The following ZNF106 variants were observed in gnomAD, a reference collection of about 807,000 sequenced individuals.
ZNF106 encodes zinc finger protein 106, also known as SH3-domain binding protein 3.
In ZNF106, 67 loss-of-function variants were observed where a neutral mutation model predicts 195.1. The ratio of observed to expected loss-of-function variants is 0.34; its 90% CI spans 0.28 to 0.42. The LOEUF (loss-of-function observed/expected upper bound fraction) is 0.42. Among genes scored for constraint, ZNF106 ranks in the 10% least tolerant of loss-of-function variants. The probability of loss-of-function intolerance (pLI) is 1.00; values close to 1 mark genes in which losing one functional copy is unlikely to be tolerated. For missense variants in ZNF106, 2,118 were observed against 2,304.5 expected (o/e 0.92, Z 1.66); for synonymous variants, 784 against 818.6 (o/e 0.96, Z 0.72).
In ZNF106 at chr15:42,416,492, C is replaced by G. The variant is rs1214422396; in HGVS notation, c.*812G>C. On this transcript the variant is annotated 3_prime_UTR_variant, in exon 22 of 22. Coordinates refer to ENST00000564754, the MANE Select transcript of ZNF106 (RefSeq NM_001366845.3). ...GACACTAGAAAGGAAGATAAAGGTA[C>G]ACCTCCAGTTCAACAGCCTGACAGG... 6.6e-6 allele frequency: 1 copy of G among 152,334 alleles called. No homozygotes were observed. The highest frequency in any genetic ancestry group is 1.5e-5 in the Non-Finnish European group (1 of 68,146). The allele number at this position is 152,334 out of a possible 1,614,324, so 9.4% of individuals were successfully genotyped here.
chr15:42,461,947 A>G (rs975556952), intron 3 of ZNF106, among the ~76,000 whole-genome samples: 1 of 152,202 alleles, frequency 6.6e-6, no homozygotes, highest in African/African-American at 2.4e-5. Context: ...GGGGTTTTCT[A>G]TAATTTTGTA....
intron 1 of ZNF106, among the ~76,000 whole-genome samples, chr15:42,479,841 CAATAAATAAATAAATAAA>C (rs1276046352): frequency 2.0e-5 from 3 of 152,116 alleles, no homozygotes; most frequent in Admixed American, 6.6e-5. Context: ...AACTCCGTCT[CAATAAATAAATAAATAAA>C]AATAAATAAA....
At chr15:42,469,748 G>A (rs190879814) in intron 2 of ZNF106, among the ~76,000 whole-genome samples, 2 of 151,868 alleles carry the variant, frequency 1.3e-5, no homozygotes, top group African/African-American at 2.4e-5. Context: ...TGAGACGGGA[G>A]CATCACCTGA....
intron 16 of ZNF106, chr15:42,424,347 A>C (rs1292587797): frequency 2.8e-6 from 1 of 356,500 alleles, no homozygotes; most frequent in East Asian, 4.6e-5. Flanking sequence ...AAATACACTC[A>C]TTGTTTCTCA....
intron 14 of ZNF106, among the ~76,000 whole-genome samples, chr15:42,432,333 A>AT (rs1228420330): frequency 6.6e-6 from 1 of 151,658 alleles, no homozygotes; most frequent in East Asian, 1.9e-4. Flanking sequence ...TCATTTTTTT[A>AT]TTTTTTGTGG....
chr15:42,481,523 T>A (rs2056901434), intron 1 of ZNF106, among the ~76,000 whole-genome samples: 1 of 151,934 alleles, frequency 6.6e-6, no homozygotes, highest in South Asian at 2.1e-4. Context: ...CATGCCTGGC[T>A]AATTTTTTTT....
chr15:42,453,074 A>C (rs2056106006), intron 4 of ZNF106, among the ~76,000 whole-genome samples: 1 of 150,646 alleles, frequency 6.6e-6, no homozygotes, highest in Non-Finnish European at 1.5e-5. Flanking sequence ...TTTCTGAAAA[A>C]CTCCATTTCT....
intron 14 of ZNF106, among the ~76,000 whole-genome samples, chr15:42,434,827 G>A (rs936961093): frequency 1.0e-4 from 15 of 148,608 alleles, no homozygotes; most frequent in Non-Finnish European, 1.5e-4. Context: ...AGGCTGGAGT[G>A]CAGTGGCACA....
At chr15:42,422,660 C>A in intron 17 of ZNF106, 40 bp from the exon 18 acceptor site, 3 of 1,567,100 alleles carry the variant, frequency 1.9e-6, no homozygotes. Context: ...GACTGACTTT[C>A]GAGACTCCTT....
chr15:42,452,135 TC>T (rs2056055277), intron 4 of ZNF106, among the ~76,000 whole-genome samples, 181 bp from the exon 5 acceptor site: 1 of 152,180 alleles, frequency 6.6e-6, no homozygotes, highest in Admixed American at 6.5e-5. Context: ...AAACGTATAT[TC>T]CTCAACTTAT....
intron 1 of ZNF106, among the ~76,000 whole-genome samples, chr15:42,490,129 C>T (rs892742702): frequency 6.6e-6 from 1 of 151,954 alleles, no homozygotes; most frequent in Non-Finnish European, 1.5e-5. Flanking sequence ...ACTGGGTAGG[C>T]TGAGGCAGGA....
chr15:42,483,672 A>G lies in ZNF106; in HGVS notation c.-33+7308T>C, dbSNP rs551954077. Among the ~76,000 whole-genome samples, 4 of 152,348 alleles carry G rather than the reference A, an allele frequency of 2.6e-5. No individual in the cohort carries two copies. The South Asian group carries it at 8.3e-4, about 32-fold the overall frequency. ...ATCAAAATATTTAAAAGGTCTTACA[A>G]GGCCCGCTTGACACAACCCTTGCTA... On this transcript the variant is annotated intron_variant, in intron 1 of 21. Transcript: ENST00000564754.
At position 42,424,051 on chromosome 15, in the gene ZNF106, C is replaced by A. The variant is rs749398646; in HGVS notation, c.5200G>T (p.Asp1734Tyr). 1 of 1,612,512 alleles carries A rather than the reference C, an allele frequency of 6.2e-7. No individual in the cohort carries two copies. The highest frequency in any genetic ancestry group is 1.1e-5 in the South Asian group (1 of 90,692). The change falls in exon 17 of 22, where the codon GAT becomes TAT. Residue 1734 changes from aspartate (D) to tyrosine (Y), a missense_variant. Physicochemically the swap from Asp to Tyr is radical, Grantham distance 160. Transcript: ENST00000564754. Reference protein sequence around the residue: ...KTILCMKVVNDLVFSGSSDQS... With the variant: ...KTILCMKVVNYLVFSGSSDQS... Reference sequence around the variant, plus strand: ...TCACTGGAGCCACTGAACACGAGATCATTCACCACCTTAAAGAAAAAATTA... The same window carrying A: ...TCACTGGAGCCACTGAACACGAGATAATTCACCACCTTAAAGAAAAAATTA...
At chr15:42,418,086 GA>G in intron 20 of ZNF106, 135 bp from the exon 21 acceptor site, 1 of 1,007,848 alleles carries the variant, frequency 9.9e-7, no homozygotes, top group Middle Eastern at 3.1e-4. Context: ...TTCTTGGCTA[GA>G]AAAGACAACA....
intron 15 of ZNF106, among the ~76,000 whole-genome samples, chr15:42,425,234 G>A (rs1353042483): frequency 1.3e-5 from 2 of 152,052 alleles, no homozygotes; most frequent in Non-Finnish European, 2.9e-5. Flanking sequence ...GAGGGCAAAC[G>A]CTTACATTAT....
At chr15:42,480,647 G>C (rs532894393) in intron 1 of ZNF106, among the ~76,000 whole-genome samples, 2 of 152,090 alleles carry the variant, frequency 1.3e-5, no homozygotes, top group South Asian at 4.1e-4. Flanking sequence ...TTGCTTTTAG[G>C]AATTCCAACA....
rs749092508 is a variant in ZNF106, at chr15:42,439,415, G to A, written c.4162C>T (p.His1388Tyr). ...TCAGTGTCACTATTCTCAGGAACAT[G>A]GGCAGCCCGTAGACTTTTCTTCTTC... ...LRKKKSLRAA[H>Y]VPENSDTEQD... The change falls in exon 11 of 22, where the codon CAT becomes TAT. Residue 1388 changes from histidine to tyrosine, a missense_variant. His to Tyr is a moderately conservative substitution (Grantham distance 83, BLOSUM62 2). Coordinates refer to ENST00000564754, the MANE Select transcript of ZNF106 (RefSeq NM_001366845.3). 1 of 1,614,148 alleles carries A rather than the reference G, an allele frequency of 6.2e-7. No homozygotes were observed. The highest frequency in any genetic ancestry group is 8.5e-7 in the Non-Finnish European group (1 of 1,180,038).
At chr15:42,489,091 AC>A (rs1335700740) in intron 1 of ZNF106, among the ~76,000 whole-genome samples, 14 of 135,076 alleles carry the variant, frequency 1.0e-4, no homozygotes, top group East Asian at 6.0e-4. Context: ...AAAAAAAAAA[AC>A]AACACACACA....
intron 3 of ZNF106, chr15:42,457,462 G>C: frequency 1.6e-6 from 2 of 1,248,132 alleles, no homozygotes; most frequent in Non-Finnish European, 2.0e-6. Flanking sequence ...ATGGTGAAAG[G>C]GGAGGCAGGG....
Sources: gnomAD v4.1 joint callset for allele counts (sites outside exome capture counted in the v4.1 genomes callset) on GRCh38, gnomAD v4.1.1 for gene constraint, MANE v1.5 for transcripts, NCBI Gene and HGNC (gene_info 2026-07-23, HGNC 2026-07-21) for gene names.